IGSF5: variants seen among roughly 807,000 people sequenced by gnomAD.
The protein encoded by IGSF5 is immunoglobulin superfamily member 5.
In IGSF5, 41 loss-of-function variants were observed where a neutral mutation model predicts 39.4. That is an observed-to-expected ratio of 1.04 (90% CI 0.81 to 1.35). The LOEUF (loss-of-function observed/expected upper bound fraction) is 1.35, where lower values mean the gene tolerates loss of function less well. Among genes scored for constraint, IGSF5 ranks in the 40% most tolerant of loss-of-function variants. The probability of loss-of-function intolerance (pLI) is 0.00; values close to 1 mark genes in which losing one functional copy is unlikely to be tolerated. For missense variants in IGSF5, 487 were observed against 494.6 expected, an observed-to-expected ratio of 0.98 and a Z score of 0.15; for synonymous variants, 183 against 175.3, an observed-to-expected ratio of 1.04 and a Z score of -0.34.
the IGSF5 span, among the ~76,000 whole-genome samples, chr21:39,714,318 C>T: frequency 6.6e-6 from 1 of 152,216 alleles, no homozygotes; most frequent in Admixed American, 6.5e-5. Context: ...ATCCATTGGC[C>T]TTGCTTCCCT....
the IGSF5 span, among the ~76,000 whole-genome samples, chr21:39,714,195 C>T: frequency 1.3e-5 from 2 of 152,218 alleles, no homozygotes; most frequent in Non-Finnish European, 2.9e-5. Context: ...ATGGGCTCAG[C>T]AGCTGTGCTT....
chr21:39,738,600 C>T, the IGSF5 span, among the ~76,000 whole-genome samples: 9 of 152,182 alleles, frequency 5.9e-5, no homozygotes, highest in African/African-American at 1.9e-4. The surrounding 1 kb of genome is among the most constrained non-coding windows in gnomAD (Gnocchi z 6.4). Context: ...ACAAGTGGTT[C>T]GATTTGGGAG....
rs149037859 is a variant in IGSF5, at chr21:39,764,348, T to A, written c.101-1187T>A. Among the ~76,000 whole-genome samples the A allele has an allele frequency of 8.1e-3, 1,239 of 152,244 alleles. 54 individuals carry two copies. The highest frequency in any genetic ancestry group is 0.073 in the Admixed American group (1,109 of 15,286). On this transcript the variant is annotated intron_variant, in intron 2 of 8. Coordinates refer to ENST00000380588, the MANE Select transcript of IGSF5 (RefSeq NM_001080444.2). The stretch of plus-strand genomic sequence containing the variant: ...AATGAGATTCTTTTAGAACCTGCCT[T>A]GCCATTTTTTTAGACAGAGTCTTGC...
Position 39,750,077 on chromosome 21 carries a change from T to C in IGSF5, c.100+3779T>C, listed in dbSNP as rs2079997542. On this transcript the variant is annotated intron_variant, in intron 2 of 8. Coordinates refer to ENST00000380588, the MANE Select transcript of IGSF5 (RefSeq NM_001080444.2). ...TATGCAGCTTTTTCATCTTTATAGC[T>C]ATCTTATTTAGGAATAAAATGGGAG... is the stretch of plus-strand genomic sequence containing the variant. Among the ~76,000 whole-genome samples, 5 of 152,318 alleles carry C rather than the reference T, an allele frequency of 3.3e-5. 1 individual carries two copies. In the South Asian group the frequency reaches 1.0e-3, roughly 32 times the overall value.
intron 2 of IGSF5, among the ~76,000 whole-genome samples, chr21:39,765,230 G>A (rs2080080472): frequency 6.6e-6 from 1 of 152,102 alleles, no homozygotes; most frequent in African/African-American, 2.4e-5. Flanking sequence ...AATTACATCT[G>A]CAAAGACCCT....
At chr21:39,740,730 T>A (rs2079944914), upstream of IGSF5, among the ~76,000 whole-genome samples, 1 of 152,204 alleles carries the variant, frequency 6.6e-6, no homozygotes, top group Admixed American at 6.5e-5. Flanking sequence ...TGTTGACAGT[T>A]ATGTTCTATC....
intron 3 of IGSF5, among the ~76,000 whole-genome samples, chr21:39,769,751 C>T (rs902571478): frequency 6.6e-6 from 1 of 151,712 alleles, no homozygotes; most frequent in African/African-American, 2.4e-5. Flanking sequence ...TGATTCGTTT[C>T]CATGAAAATA....
At chr21:39,783,485 T>C (rs1442118212) in intron 5 of IGSF5, among the ~76,000 whole-genome samples, 2 of 152,244 alleles carry the variant, frequency 1.3e-5, no homozygotes, top group African/African-American at 4.8e-5. Context: ...TGTTTTTTCA[T>C]ACATTTGTTG....
chr21:39,712,975 T>C, the IGSF5 span, among the ~76,000 whole-genome samples: 2 of 152,142 alleles, frequency 1.3e-5, no homozygotes, highest in African/African-American at 2.4e-5. Context: ...TAGATGACAT[T>C]GGGAAGAAGT....
chr21:39,765,324 G>T (rs1449314913), intron 2 of IGSF5, among the ~76,000 whole-genome samples: 1 of 152,138 alleles, frequency 6.6e-6, no homozygotes, highest in African/African-American at 2.4e-5. Flanking sequence ...TAGAGTTAGG[G>T]GGTAGAGTGG....
At chr21:39,762,606 G>A (rs1451428771) in intron 2 of IGSF5, among the ~76,000 whole-genome samples, 1 of 152,166 alleles carries the variant, frequency 6.6e-6, no homozygotes, top group African/African-American at 2.4e-5. Flanking sequence ...GGAAAAGGAA[G>A]AGGATTCTCT....
At chr21:39,788,326 A>G (rs1217737863) in intron 6 of IGSF5, 138 bp downstream of exon 6, 5 of 643,884 alleles carry the variant, frequency 7.8e-6, no homozygotes, top group Non-Finnish European at 1.4e-5. Flanking sequence ...GAGGTAGACA[A>G]TGCTGAAAAA....
the IGSF5 span, among the ~76,000 whole-genome samples, chr21:39,739,090 T>A: frequency 5.3e-5 from 8 of 152,058 alleles, no homozygotes; most frequent in African/African-American, 1.9e-4. Context: ...CCGCCACGCC[T>A]GGCTAATTTT....
At position 39,771,225 on chromosome 21, in the gene IGSF5, G is replaced by A. The variant is rs1447573238; in HGVS notation, c.718+10G>A. On this transcript the variant is annotated intron_variant, in intron 4 of 8. Transcript: ENST00000380588. ...ATTCGGTGTCCCCAAGGTAAGTGAA[G>A]ACATTCTGCTTTATATGAAATGAAT... is the stretch of plus-strand genomic sequence containing the variant. The A allele has an allele frequency of 6.5e-7, 1 of 1,535,730 alleles. No homozygotes were observed. Among genetic ancestry groups the A allele is most frequent in the South Asian group, 1.3e-5 (1 of 77,226 alleles).
At chr21:39,756,523 G>C (rs768120352) in intron 2 of IGSF5, among the ~76,000 whole-genome samples, 4 of 152,218 alleles carry the variant, frequency 2.6e-5, no homozygotes, top group South Asian at 2.1e-4. Flanking sequence ...GATGGGACCT[G>C]TCACCTCATA....
chr21:39,724,814 C>T, the IGSF5 span, among the ~76,000 whole-genome samples: 1 of 152,188 alleles, frequency 6.6e-6, no homozygotes, highest in African/African-American at 2.4e-5. Context: ...GAACAAATTT[C>T]ATGCTGAGGA....
intron 2 of IGSF5, among the ~76,000 whole-genome samples, chr21:39,753,973 C>T (rs2080017974): frequency 6.6e-6 from 1 of 151,798 alleles, no homozygotes; most frequent in African/African-American, 2.4e-5. Flanking sequence ...TTAAGTGGAA[C>T]ATTTAGGCCA....
At chr21:39,719,524 C>T in the IGSF5 span, among the ~76,000 whole-genome samples, 3 of 152,110 alleles carry the variant, frequency 2.0e-5, no homozygotes, top group African/African-American at 7.2e-5. Context: ...TCCCTAGGCT[C>T]TCTTTGCCAG....
In IGSF5 at chr21:39,767,596, C is replaced by T. The variant is rs115089283; in HGVS notation, c.418+1744C>T. Among the ~76,000 whole-genome samples, 786 of 152,246 alleles carry T rather than the reference C, an allele frequency of 5.2e-3. 5 individuals carry two copies. Among genetic ancestry groups the T allele is most frequent in the African/African-American group, 0.017 (710 of 41,556 alleles). ...ATAGCAATCACTGTATGGCCATTTG[C>T]TATTATTTATTGTGCTCCCAATAAA... On this transcript the variant is annotated intron_variant, in intron 3 of 8. Transcript: ENST00000380588.
Sources: allele counts gnomAD v4.1 joint callset (sites outside exome capture counted in the v4.1 genomes callset), GRCh38; gene constraint gnomAD v4.1.1; non-coding constraint Gnocchi (gnomAD v3.1); transcripts MANE v1.5; gene names NCBI Gene and HGNC (gene_info 2026-07-23, HGNC 2026-07-21).